ZNF233: variants seen among roughly 807,000 people sequenced by gnomAD.
The protein encoded by ZNF233 is zinc finger protein 233.
ZNF233 carries 7 observed loss-of-function variants against 11.6 expected under a neutral mutation model. The observed-to-expected ratio is 0.60, with a 90% CI of 0.34 to 1.13. The LOEUF (loss-of-function observed/expected upper bound fraction) is 1.13, where lower values mean the gene tolerates loss of function less well. ZNF233 is among the 50% of genes most tolerant of loss of function. The pLI is 0.03. For missense variants in ZNF233, 711 were observed against 785.5 expected (o/e 0.91, Z 1.13); for synonymous variants, 226 against 268.5 (o/e 0.84, Z 1.55).
At chr19:44,266,783 A>G (rs1413585694) in intron 3 of ZNF233, 83 bp from the exon 4 acceptor site, 2 of 963,182 alleles carry the variant, frequency 2.1e-6, no homozygotes, top group African/African-American at 3.2e-5. Flanking sequence ...TACTACTTAG[A>G]GCGCATGAAA....
At chr19:44,260,034 C>T (rs1254466900) in intron 1 of ZNF233, 96 bp downstream of exon 1, 3 of 398,728 alleles carry the variant, frequency 7.5e-6, no homozygotes, top group Admixed American at 5.4e-5. Context: ...GAAGGGAAGT[C>T]GCAGAGGGCG....
At chr19:44,266,761 A>T in intron 3 of ZNF233, 105 bp from the exon 4 acceptor site, 1 of 756,084 alleles carries the variant, frequency 1.3e-6, no homozygotes, top group Non-Finnish European at 2.2e-6. Flanking sequence ...TCATGATCAC[A>T]ATTTTGAAAA....
Position 44,274,375 on chromosome 19 carries a change from G to C in ZNF233, c.1715G>C (p.Gly572Ala). ...TACAAATGTGATGTGTGTGGGAAAG[G>C]CTTCAGTTGGAGTTCACATCTTCAA... The part of the protein sequence containing the change: ...NPYKCDVCGK[G>A]FSWSSHLQAH... The change falls in exon 5 of 5, where the codon GGC becomes GCC. Residue 572 changes from glycine to alanine, a missense_variant. Gly to Ala is a moderately conservative substitution (Grantham distance 60). Coordinates refer to ENST00000683810, the MANE Select transcript of ZNF233 (RefSeq NM_001207005.2). 1.2e-6 allele frequency: 2 copies of C among 1,613,376 alleles called. No individual in the cohort carries two copies. Among genetic ancestry groups the C allele is most frequent in the Non-Finnish European group, 1.7e-6 (2 of 1,179,858 alleles).
intron 3 of ZNF233, 31 bp from the exon 4 acceptor site, chr19:44,266,835 A>G (rs1388567808): frequency 6.4e-7 from 1 of 1,552,882 alleles, no homozygotes. Context: ...TAATGCATTC[A>G]CTTTATATAT....
intron 1 of ZNF233, among the ~76,000 whole-genome samples, chr19:44,263,836 A>G (rs1974996943): frequency 6.6e-6 from 1 of 152,254 alleles, no homozygotes; most frequent in Non-Finnish European, 1.5e-5. Context: ...GCATAATATC[A>G]TCTGCTTTTC....
chr19:44,265,414 G>C (rs1221016090), intron 2 of ZNF233, among the ~76,000 whole-genome samples: 1 of 142,216 alleles, frequency 7.0e-6, no homozygotes, highest in African/African-American at 2.6e-5. Flanking sequence ...CACACACCAC[G>C]GTTTCTTTTC....
chr19:44,260,616 T>G (rs1974912633), intron 1 of ZNF233, among the ~76,000 whole-genome samples: 1 of 152,222 alleles, frequency 6.6e-6, no homozygotes, highest in African/African-American at 2.4e-5. Flanking sequence ...TCCACTGTCA[T>G]TCATCCTGGA....
chr19:44,272,213 G>A lies in ZNF233; in HGVS notation c.239-686G>A, dbSNP rs576488512. ...ACCACACTCCAGCCTGGGCAAGAGA[G>A]TGAGACTCCATCTCAAAAAAAAAAA... On this transcript the variant is annotated intron_variant, in intron 4 of 4. Transcript: ENST00000683810. Among the ~76,000 whole-genome samples the A allele has an allele frequency of 3.4e-5, 5 of 148,192 alleles. No homozygotes were observed. In the South Asian group the frequency reaches 1.1e-3, roughly 32 times the overall value.
In ZNF233 at chr19:44,273,986, C is replaced by A; in HGVS notation, c.1326C>A (p.His442Gln). The stretch of plus-strand genomic sequence containing the variant: ...TATTTAATAGGAATTCTGGTCTTCA[C>A]CAGAGAGTTCACACTGGAGAGAAAC... ...DRIFNRNSGL[H>Q]QRVHTGEKPY... The change falls in exon 5 of 5, where the codon CAC (histidine) becomes CAA (glutamine). Residue 442 changes from histidine to glutamine, a missense_variant. Coordinates refer to ENST00000683810, the MANE Select transcript of ZNF233 (RefSeq NM_001207005.2). 6.2e-7 allele frequency: 1 copy of A among 1,613,252 alleles called. No individual in the cohort carries two copies. The highest frequency in any genetic ancestry group is 2.2e-5 in the East Asian group (1 of 44,846).
rs758546863 is a variant in ZNF233, at chr19:44,274,393, A to G, written c.1733A>G (p.His578Arg). 2.3e-5 allele frequency: 37 copies of G among 1,614,084 alleles called. No homozygotes were observed. The highest frequency in any genetic ancestry group is 3.1e-5 in the Non-Finnish European group (36 of 1,180,052). The change falls in exon 5 of 5, where the codon CAT becomes CGT. Residue 578 changes from histidine (H) to arginine (R), a missense_variant. By Grantham distance (29) the His-to-Arg change is conservative. Coordinates refer to ENST00000683810, the MANE Select transcript of ZNF233 (RefSeq NM_001207005.2). ...GGGAAAGGCTTCAGTTGGAGTTCAC[A>G]TCTTCAAGCCCATCAGAGAGTCCAC... ...VCGKGFSWSSHLQAHQRVHTG... is the reference protein window; with the variant it reads ...VCGKGFSWSSRLQAHQRVHTG...
intron 2 of ZNF233, 126 bp downstream of exon 2, chr19:44,264,501 T>C: frequency 1.2e-6 from 1 of 837,658 alleles, no homozygotes; most frequent in Non-Finnish European, 1.8e-6. Flanking sequence ...TGCTAGTTAC[T>C]TGATTTTCGA....
intron 2 of ZNF233, among the ~76,000 whole-genome samples, chr19:44,265,374 C>T (rs376356298): frequency 0.38 from 53,201 of 139,738 alleles, 11,347 homozygotes; most frequent in East Asian, 0.6. Context: ...TATACACACA[C>T]ACACACACAC....
Position 44,275,033 on chromosome 19 carries a change from A to T in ZNF233, c.*360A>T. The T allele has an allele frequency of 2.5e-6, 1 of 405,494 alleles. No homozygotes were observed. Among genetic ancestry groups the T allele is most frequent in the Non-Finnish European group, 4.4e-6 (1 of 229,684 alleles). 25.1% of individuals were successfully genotyped at this position (405,494 alleles called of 1,614,324 possible). A position where few individuals can be genotyped will look rare whatever the true frequency, so the allele number is the denominator to read the frequency against. ...AAGGTCAGAATTTAGCAAAAGTATAATGAGGGACATGACAAAATCTGTGTC... is the reference window on the plus strand; with the variant it reads ...AAGGTCAGAATTTAGCAAAAGTATATTGAGGGACATGACAAAATCTGTGTC... On this transcript the variant is annotated 3_prime_UTR_variant, in exon 5 of 5. Transcript: ENST00000683810.
chr19:44,264,443 T>C (rs991447229), intron 2 of ZNF233, 68 bp downstream of exon 2: 2 of 1,464,418 alleles, frequency 1.4e-6, no homozygotes, highest in Non-Finnish European at 1.9e-6. Context: ...GACACTTTTT[T>C]TTCTCTTCCT....
chr19:44,273,348 A>G lies in ZNF233; in HGVS notation c.688A>G (p.Arg230Gly). Residue 230 changes from arginine (R) to glycine (G), a missense_variant, in exon 5 of 5, where the codon AGA (arginine) becomes GGA (glycine). Physicochemically the swap from Arg to Gly is moderately radical, Grantham distance 125. Coordinates refer to ENST00000683810, the MANE Select transcript of ZNF233 (RefSeq NM_001207005.2). The stretch of plus-strand genomic sequence containing the variant: ...ACATGATGATCATGGAGTACACAAA[A>G]GAGAGAAAGCTTTTAGCCACAATAA... ...HQHDDHGVHK[R>G]EKAFSHNNCG... 6.2e-7 allele frequency: 1 copy of G among 1,614,206 alleles called. No homozygotes were observed. Among genetic ancestry groups the G allele is most frequent in the East Asian group, 2.2e-5 (1 of 44,890 alleles).
At chr19:44,265,194 C>G (rs1048209773) in intron 2 of ZNF233, among the ~76,000 whole-genome samples, 1 of 152,046 alleles carries the variant, frequency 6.6e-6, no homozygotes, top group African/African-American at 2.4e-5. Flanking sequence ...CATTCTTAGA[C>G]CTTTGGATCC....
intron 1 of ZNF233, among the ~76,000 whole-genome samples, chr19:44,262,552 G>C (rs568325068): frequency 9.2e-5 from 14 of 152,240 alleles, no homozygotes; most frequent in African/African-American, 3.1e-4. Context: ...GTAAATATAG[G>C]ACCAGAACAA....
chr19:44,267,294 C>T (rs1370602714), intron 4 of ZNF233: 1 of 403,134 alleles, frequency 2.5e-6, no homozygotes, highest in African/African-American at 2.1e-5. Flanking sequence ...TTGCTTTTCA[C>T]TCAGTTCTTT....
At position 44,274,499 on chromosome 19, in the gene ZNF233, C is replaced by A; in HGVS notation, c.1839C>A (p.Ile613=). 1 of 1,614,034 alleles carries A rather than the reference C, an allele frequency of 6.2e-7. No homozygotes were observed. Among genetic ancestry groups the A allele is most frequent in the Non-Finnish European group, 8.5e-7 (1 of 1,180,010 alleles). The part of the protein sequence containing the change: ...WNSYLHVHQR[I]HTGEKPYKCG... Reference sequence around the variant, plus strand: ...CATATCTTCATGTTCATCAGAGGATCCACACGGGAGAGAAACCCTATAAAT... The same window carrying A: ...CATATCTTCATGTTCATCAGAGGATACACACGGGAGAGAAACCCTATAAAT... Residue 613 remains isoleucine, a synonymous_variant, in exon 5 of 5, where the codon ATC becomes ATA. Coordinates refer to ENST00000683810, the MANE Select transcript of ZNF233 (RefSeq NM_001207005.2).
Sources: gnomAD v4.1 joint callset for allele counts (sites outside exome capture counted in the v4.1 genomes callset) on GRCh38, gnomAD v4.1.1 for gene constraint, MANE v1.5 for transcripts, NCBI Gene and HGNC (gene_info 2026-07-23, HGNC 2026-07-21) for gene names.